AMN1: variants seen among roughly 807,000 people sequenced by gnomAD.
AMN1 encodes the protein antagonist of mitotic exit network 1 homolog.
Under a neutral mutation model 33.0 loss-of-function variants are expected in AMN1, and 20 were observed. The ratio of observed to expected loss-of-function variants is 0.61; its 90% CI spans 0.43 to 0.88. The LOEUF (loss-of-function observed/expected upper bound fraction) is 0.88, where lower values mean the gene tolerates loss of function less well. AMN1 is among the 40% of genes least tolerant of loss of function. The probability of loss-of-function intolerance (pLI) is 0.00; values close to 1 mark genes in which losing one functional copy is unlikely to be tolerated. For missense variants in AMN1, 246 were observed against 307.4 expected, an observed-to-expected ratio of 0.80 and a Z score of 1.49; for synonymous variants, 114 against 111.9, an observed-to-expected ratio of 1.02 and a Z score of -0.12.
At chr12:31,729,100 T>C, upstream of AMN1, 1 of 1,376,518 alleles carries the variant, frequency 7.3e-7, no homozygotes, top group Non-Finnish European at 9.8e-7. Flanking sequence ...GCGCGACGCG[T>C]AGGTTTTTGT....
At chr12:31,699,112 C>T (rs541415168) in intron 3 of AMN1, among the ~76,000 whole-genome samples, 24 of 151,980 alleles carry the variant, frequency 1.6e-4, no homozygotes, top group Non-Finnish European at 2.2e-4. Flanking sequence ...ACTCTTGGGA[C>T]GGGTGTGGTG....
chr12:31,709,238 CCATAT>C (rs1202433479), intron 2 of AMN1, 50 bp downstream of exon 2: 10 of 1,584,190 alleles, frequency 6.3e-6, no homozygotes, highest in Admixed American at 5.2e-5. Context: ...AAATCTAAAA[CCATAT>C]CTAAACAGAA....
At chr12:31,688,813 A>G (rs1048131053) in intron 6 of AMN1, among the ~76,000 whole-genome samples, 194 bp downstream of exon 6, 8 of 150,126 alleles carry the variant, frequency 5.3e-5, no homozygotes, top group African/African-American at 1.9e-4. Context: ...TCCGTCTCCC[A>G]AAAAATTAAA....
At chr12:31,692,895 A>G (rs948505201) in intron 5 of AMN1, among the ~76,000 whole-genome samples, 1 of 152,218 alleles carries the variant, frequency 6.6e-6, no homozygotes, top group African/African-American at 2.4e-5. Context: ...AAGGCTAAGA[A>G]TGTGATAACA....
At chr12:31,703,625 G>T (rs1487686759) in intron 2 of AMN1, among the ~76,000 whole-genome samples, 1 of 152,156 alleles carries the variant, frequency 6.6e-6, no homozygotes, top group East Asian at 1.9e-4. Flanking sequence ...TAAAGGACAT[G>T]ATTTTATGGC....
intron 1 of AMN1, among the ~76,000 whole-genome samples, chr12:31,728,378 C>A (rs1052399447): frequency 5.3e-5 from 8 of 152,092 alleles, no homozygotes; most frequent in Non-Finnish European, 1.2e-4. Flanking sequence ...TTAAATTTAT[C>A]CCTCAGGACA....
At chr12:31,676,451 A>G (rs1403017712) in intron 6 of AMN1, among the ~76,000 whole-genome samples, 1 of 151,406 alleles carries the variant, frequency 6.6e-6, no homozygotes, top group Non-Finnish European at 1.5e-5. Context: ...CTCTACTAAA[A>G]ATGCAAAAAT....
intron 5 of AMN1, among the ~76,000 whole-genome samples, chr12:31,693,187 C>T (rs115450841): frequency 0.014 from 2,067 of 152,210 alleles, 48 homozygotes; most frequent in African/African-American, 0.047. Context: ...AATTGATCTC[C>T]CCACTCCAGA....
chr12:31,723,852 T>C (rs1305829134), intron 1 of AMN1, among the ~76,000 whole-genome samples: 3 of 152,072 alleles, frequency 2.0e-5, no homozygotes, highest in Admixed American at 6.6e-5. Context: ...TAACTACCAC[T>C]TGGTTGAGGA....
At chr12:31,677,534 C>A (rs2139652489) in intron 6 of AMN1, among the ~76,000 whole-genome samples, 1 of 152,282 alleles carries the variant, frequency 6.6e-6, no homozygotes, top group Non-Finnish European at 1.5e-5. Context: ...TGGGGCAAGC[C>A]ACTTAAATCA....
Position 31,698,427 on chromosome 12 carries a change from C to T in AMN1, c.317-470G>A, listed in dbSNP as rs149412976. 2.6e-4 allele frequency among the ~76,000 whole-genome samples: 39 copies of T among 152,300 alleles called. No individual in the cohort carries two copies. The East Asian group carries it at 6.4e-3, about 25-fold the overall frequency. ...ATAGCTATGCCTATGTGTTCTCTCT[C>T]GCTCCACTTTGACTCTGTTCTCAAA... On this transcript the variant is annotated intron_variant, in intron 3 of 6. Coordinates refer to ENST00000281471, the MANE Select transcript of AMN1 (RefSeq NM_001113402.2).
At chr12:31,685,309 G>A (rs1403986145) in intron 6 of AMN1, among the ~76,000 whole-genome samples, 1 of 152,180 alleles carries the variant, frequency 6.6e-6, no homozygotes, top group East Asian at 1.9e-4. Flanking sequence ...GATTACAGGC[G>A]TGAGCCACTT....
At chr12:31,684,495 G>A (rs1938165331) in intron 6 of AMN1, among the ~76,000 whole-genome samples, 1 of 148,984 alleles carries the variant, frequency 6.7e-6, no homozygotes, top group Non-Finnish European at 1.5e-5. Context: ...TTTTGAGATG[G>A]AGTCTCACTC....
At chr12:31,725,899 A>G (rs1940044275) in intron 1 of AMN1, among the ~76,000 whole-genome samples, 2 of 152,008 alleles carry the variant, frequency 1.3e-5, no homozygotes, top group Admixed American at 6.5e-5. Flanking sequence ...GGGTTTCACC[A>G]TGTTGGCTAG....
Position 31,701,902 on chromosome 12 carries a change from T to A in AMN1, c.277A>T (p.Asn93Tyr). 6.2e-7 allele frequency: 1 copy of A among 1,608,110 alleles called. No individual in the cohort carries two copies. The highest frequency in any genetic ancestry group is 8.5e-7 in the Non-Finnish European group (1 of 1,178,436). Reference sequence around the variant, plus strand: ...GAAACTCGGTTCCCTTTTGAAGCATTTAAATTTAATTTCTTCAGTTTTCTA... The same window carrying A: ...GAAACTCGGTTCCCTTTTGAAGCATATAAATTTAATTTCTTCAGTTTTCTA... ...NCRKLKKLNL[N>Y]ASKGNRVSVT... The change falls in exon 3 of 7, where the codon AAT (asparagine) becomes TAT (tyrosine). Residue 93 changes from asparagine to tyrosine, a missense_variant. Asn to Tyr is a moderately radical substitution (Grantham distance 143). Transcript: ENST00000281471.
chr12:31,707,488 GAA>G (rs1326232240), intron 2 of AMN1, among the ~76,000 whole-genome samples: 1 of 152,146 alleles, frequency 6.6e-6, no homozygotes, highest in Non-Finnish European at 1.5e-5. Context: ...TGCCACTTCT[GAA>G]AAGACTATGC....
intron 6 of AMN1, 46 bp from the exon 7 acceptor site, chr12:31,672,423 G>A: frequency 1.5e-6 from 2 of 1,334,994 alleles, no homozygotes; most frequent in Non-Finnish European, 2.1e-6. Context: ...AATAAAAAAT[G>A]TTTAATGTTT....
upstream of AMN1, chr12:31,729,057 C>A: frequency 6.8e-7 from 1 of 1,471,806 alleles, no homozygotes; most frequent in East Asian, 2.6e-5. Flanking sequence ...CTCCAGAACC[C>A]AGCCAGGGAC....
rs1938334051 is a variant in AMN1 at position 31,687,858 on chromosome 12, A to T, written c.703+1149T>A. Among the ~76,000 whole-genome samples, 1 of 152,144 alleles carries T rather than the reference A, an allele frequency of 6.6e-6. No individual in the cohort carries two copies. The highest frequency in any genetic ancestry group is 2.1e-4 in the South Asian group (1 of 4,832). ...GCCATGGTTTCTAGGGTAGGAGGATATATACCATGGCTCTTATACAGGCAA... is the reference window on the plus strand; with the variant it reads ...GCCATGGTTTCTAGGGTAGGAGGATTTATACCATGGCTCTTATACAGGCAA... On this transcript the variant is annotated intron_variant, in intron 6 of 6. Transcript: ENST00000281471. This position sits in a 1 kb window ranked among gnomAD's most constrained non-coding sequence, Gnocchi z 4.1.
Sources: allele counts gnomAD v4.1 joint callset (sites outside exome capture counted in the v4.1 genomes callset), GRCh38; gene constraint gnomAD v4.1.1; non-coding constraint Gnocchi (gnomAD v3.1); transcripts MANE v1.5; gene names NCBI Gene and HGNC (gene_info 2026-07-23, HGNC 2026-07-21).